The following TENM3 variants were observed in gnomAD, a reference collection of about 807,000 sequenced individuals.
TENM3 encodes teneurin transmembrane protein 3, also known as teneurin-3.
Under a neutral mutation model 255.1 loss-of-function variants are expected in TENM3, and 63 were observed. The observed-to-expected ratio is 0.25, with a 90% CI of 0.20 to 0.30. The LOEUF (loss-of-function observed/expected upper bound fraction) is 0.30. TENM3 is among the 10% of genes least tolerant of loss of function. The probability of loss-of-function intolerance (pLI) is 1.00; values close to 1 mark genes in which losing one functional copy is unlikely to be tolerated. For synonymous variants in TENM3, 1,306 were observed against 1,322.3 expected (o/e 0.99, Z 0.27); for missense variants, 2,929 against 3,461.1 (o/e 0.85, Z 3.86).
chr4:181,771,864 T>G, the TENM3 span, among the ~76,000 whole-genome samples: 1 of 152,344 alleles, frequency 6.6e-6, no homozygotes, highest in Admixed American at 6.5e-5. Flanking sequence ...TCTTAAATTC[T>G]AAAGATGCTA....
chr4:182,365,182 C>T (rs1041155686), intron 3 of TENM3, among the ~76,000 whole-genome samples: 11 of 152,158 alleles, frequency 7.2e-5, no homozygotes, highest in African/African-American at 2.7e-4. Context: ...CATGTATGTA[C>T]CATTTGTATT....
At chr4:181,934,048 CTGTGTGTG>C in the TENM3 span, among the ~76,000 whole-genome samples, 8 of 147,394 alleles carry the variant, frequency 5.4e-5, no homozygotes, top group Admixed American at 2.7e-4. Context: ...ATTCCCCTTT[CTGTGTGTG>C]TGTGTGTGTG....
At position 182,328,210 on chromosome 4, in the gene TENM3, T is replaced by TTTTTTG. The variant is rs200758134; in HGVS notation, c.232+3977_232+3982dup. Among the ~76,000 whole-genome samples, 1,001 of 152,154 alleles carry TTTTTTG rather than the reference T, an allele frequency of 6.6e-3. 11 individuals are homozygous for TTTTTTG. Among genetic ancestry groups the TTTTTTG allele is most frequent in the African/African-American group, 0.023 (953 of 41,496 alleles). ...GTGGCAATGGAGAGGAAGGACTCTGTTTTTTGTTTTTGTTTTTGTTTTTGA... is the reference window on the plus strand; with the variant it reads ...GTGGCAATGGAGAGGAAGGACTCTGTTTTTTGTTTTTGTTTTTGTTTTTGTTTTTGA... On this transcript the variant is annotated intron_variant, in intron 2 of 27. Transcript: ENST00000511685.
At chr4:182,071,500 C>T in the TENM3 span, among the ~76,000 whole-genome samples, 2 of 147,564 alleles carry the variant, frequency 1.4e-5, no homozygotes, top group African/African-American at 5.0e-5. Flanking sequence ...TGCTGGAGTG[C>T]AGTGGCGCGA....
the TENM3 span, among the ~76,000 whole-genome samples, chr4:181,491,123 A>G: frequency 1.3e-5 from 2 of 151,242 alleles, no homozygotes; most frequent in African/African-American, 4.9e-5. Context: ...CTACCTGAAA[A>G]AAAAAGCTTT....
At chr4:182,609,823 G>A (rs1374514843) in intron 4 of TENM3, among the ~76,000 whole-genome samples, 1 of 98,316 alleles carries the variant, frequency 1.0e-5, no homozygotes, top group East Asian at 2.5e-4. Flanking sequence ...ACTTTATAAG[G>A]GTTCCTTAAG....
the TENM3 span, among the ~76,000 whole-genome samples, chr4:181,449,803 T>C: frequency 2.0e-5 from 3 of 152,070 alleles, no homozygotes; most frequent in Non-Finnish European, 4.4e-5. Flanking sequence ...AATAAATGAA[T>C]AGATAAATAA....
the TENM3 span, among the ~76,000 whole-genome samples, chr4:182,101,084 G>GA: frequency 2.6e-4 from 1 of 3,894 alleles, no homozygotes; most frequent in Non-Finnish European, 7.7e-4. Flanking sequence ...GGAAGGGAGG[G>GA]AGGGAGGGAG....
chr4:182,006,922 G>A, the TENM3 span, among the ~76,000 whole-genome samples: 403 of 152,182 alleles, frequency 2.6e-3, no homozygotes, highest in Non-Finnish European at 4.0e-3. Flanking sequence ...ATTCTAGTAC[G>A]TTGTCTCTTT....
At chr4:181,950,443 G>A in the TENM3 span, among the ~76,000 whole-genome samples, 5 of 151,962 alleles carry the variant, frequency 3.3e-5, no homozygotes, top group African/African-American at 7.3e-5. Flanking sequence ...GTATTCCCCC[G>A]GCCTTTTCCT....
At chr4:182,727,864 C>T (rs200138429) in intron 13 of TENM3, among the ~76,000 whole-genome samples, 1 of 140,776 alleles carries the variant, frequency 7.1e-6, no homozygotes, top group Non-Finnish European at 1.5e-5. Context: ...CTTAGAAGAA[C>T]TTTTTTTTTT....
the TENM3 span, among the ~76,000 whole-genome samples, chr4:181,454,790 G>T: frequency 0.017 from 2,536 of 145,904 alleles, 73 homozygotes; most frequent in African/African-American, 0.059. Context: ...GTACAGGTTT[G>T]CAGCCTAGGA....
chr4:181,573,482 GT>G, the TENM3 span, among the ~76,000 whole-genome samples: 1 of 151,952 alleles, frequency 6.6e-6, no homozygotes, highest in African/African-American at 2.4e-5. Flanking sequence ...AATGATTACT[GT>G]TTCATTCAAG....
the TENM3 span, among the ~76,000 whole-genome samples, chr4:181,834,054 A>AT: frequency 2.0e-5 from 3 of 152,078 alleles, no homozygotes; most frequent in East Asian, 1.9e-4. Flanking sequence ...ATTGACGTGC[A>AT]TTTTAGATTC....
rs200692990 is a variant in TENM3 at position 182,682,001 on chromosome 4, A to C, written c.2022A>C (p.Pro674=). The C allele has an allele frequency of 6.2e-7, 1 of 1,613,914 alleles. No individual in the cohort carries two copies. Among genetic ancestry groups the C allele is most frequent in the East Asian group, 2.2e-5 (1 of 44,876 alleles). ...CGTGTGACCCTAACTGGACTGGCCC[A>C]GACTGCTCAAACGGTGAGGTTAATA... ...SCTCDPNWTG[P]DCSNEICSVD... Residue 674 remains proline, a synonymous_variant, in exon 11 of 28, where the codon CCA becomes CCC. Transcript: ENST00000511685.
At chr4:182,776,896 G>C (rs1319700286) in intron 24 of TENM3, among the ~76,000 whole-genome samples, 1 of 152,198 alleles carries the variant, frequency 6.6e-6, no homozygotes, top group African/African-American at 2.4e-5. Flanking sequence ...ACTGAAAGGA[G>C]ATTTCCAGCT....
chr4:181,462,620 T>C, the TENM3 span, among the ~76,000 whole-genome samples: 1 of 152,236 alleles, frequency 6.6e-6, no homozygotes, highest in Admixed American at 6.5e-5. Flanking sequence ...TCCATGTTAC[T>C]AAATTGTCCC....
At chr4:182,295,190 A>T (rs1761388776) in intron 1 of TENM3, among the ~76,000 whole-genome samples, 2 of 150,184 alleles carry the variant, frequency 1.3e-5, no homozygotes, top group Admixed American at 1.3e-4. Context: ...CGTATTATTG[A>T]TGATATAAGA....
At chr4:182,287,092 G>C (rs192893669) in intron 1 of TENM3, among the ~76,000 whole-genome samples, 1 of 152,162 alleles carries the variant, frequency 6.6e-6, no homozygotes, top group African/African-American at 2.4e-5. Context: ...ACTGGGTGCC[G>C]TGGTGCATGA....
Sources: allele counts gnomAD v4.1 joint callset (sites outside exome capture counted in the v4.1 genomes callset), GRCh38; gene constraint gnomAD v4.1.1; transcripts MANE v1.5; gene names NCBI Gene and HGNC (gene_info 2026-07-23, HGNC 2026-07-21).